The following RORA variants were observed in gnomAD, a reference collection of about 807,000 sequenced individuals.
RORA encodes RAR related orphan receptor A.
Under a neutral mutation model 69.5 loss-of-function variants are expected in RORA, and 7 were observed. The observed-to-expected ratio is 0.10, with a 90% CI of 0.06 to 0.19. The LOEUF is 0.19. Among genes scored for constraint, RORA ranks in the 10% least tolerant of loss-of-function variants. The pLI, the probability that RORA is intolerant of heterozygous loss-of-function variation, is 1.00. For synonymous variants in RORA, 261 were observed against 240.8 expected, an observed-to-expected ratio of 1.08 and a Z score of -0.78; for missense variants, 457 against 663.0, an observed-to-expected ratio of 0.69 and a Z score of 3.41.
chr15:60,679,224 T>G (rs1481516801), intron 1 of RORA, among the ~76,000 whole-genome samples: 2 of 152,122 alleles, frequency 1.3e-5, no homozygotes, highest in Admixed American at 1.3e-4. Context: ...CTCATTAAGG[T>G]CAGAAAGGGA....
At chr15:60,611,559 CAAAAAAAAA>C (rs533598270) in intron 2 of RORA, among the ~76,000 whole-genome samples, 34 of 35,818 alleles carry the variant, frequency 9.5e-4, no homozygotes, top group South Asian at 2.0e-3. Context: ...TTGAGTTTTG[CAAAAAAAAA>C]AAAAAAAAAA....
chr15:61,225,812 GTTAAA>G (rs1195848703), intron 1 of RORA, among the ~76,000 whole-genome samples: 2 of 152,186 alleles, frequency 1.3e-5, no homozygotes, highest in Non-Finnish European at 2.9e-5. Context: ...TGAAAGCCTT[GTTAAA>G]TTAAAGATTC....
At chr15:60,499,833 G>T in intron 10 of RORA, 59 bp downstream of exon 10, 1 of 899,890 alleles carries the variant, frequency 1.1e-6, no homozygotes, top group African/African-American at 1.7e-5. Flanking sequence ...CATATTGGCA[G>T]CATGATTTGT....
intron 3 of RORA, among the ~76,000 whole-genome samples, chr15:60,522,166 T>C (rs1012513210): frequency 2.6e-5 from 4 of 152,200 alleles, no homozygotes; most frequent in Non-Finnish European, 5.9e-5. Flanking sequence ...ATTCCTGACA[T>C]AAAAAATTAA....
chr15:60,623,090 C>T lies in RORA; in HGVS notation c.196+55567G>A, dbSNP rs141769128. On this transcript the variant is annotated intron_variant, in intron 2 of 10. Transcript: ENST00000335670. ...AAACCCTGAGGAATGCCGTGTCTTC[C>T]CTGTGTCTTGCCTCACTTATTCACT... 2.4e-4 allele frequency among the ~76,000 whole-genome samples: 36 copies of T among 152,312 alleles called. No homozygotes were observed. In the South Asian group the frequency reaches 2.7e-3, roughly 11 times the overall value.
rs577133097 is a variant in RORA, at chr15:60,626,040, C to T, written c.196+52617G>A. On this transcript the variant is annotated intron_variant, in intron 2 of 10. Transcript: ENST00000335670. ...TTCTTCCTTCCTCAGCAGGGACAGG[C>T]TTCTCAGCACGCTGCTGCCTCAGGG... Among the ~76,000 whole-genome samples, 39 of 152,352 alleles carry T rather than the reference C, an allele frequency of 2.6e-4. 1 individual carries two copies. In the South Asian group the frequency reaches 7.0e-3, roughly 28 times the overall value.
At chr15:60,622,335 G>T (rs1042017100) in intron 2 of RORA, among the ~76,000 whole-genome samples, 1 of 152,078 alleles carries the variant, frequency 6.6e-6, no homozygotes, top group Non-Finnish European at 1.5e-5. Context: ...GATGCAGGCT[G>T]GGCGTGATGG....
At chr15:60,893,613 T>C (rs1032010705) in intron 1 of RORA, among the ~76,000 whole-genome samples, 1 of 152,070 alleles carries the variant, frequency 6.6e-6, no homozygotes, top group African/African-American at 2.4e-5. Flanking sequence ...TTTTAAAAAA[T>C]TTTAAATTTT....
intron 2 of RORA, among the ~76,000 whole-genome samples, chr15:60,654,868 C>A (rs1242365749): frequency 6.6e-6 from 1 of 152,156 alleles, no homozygotes; most frequent in Non-Finnish European, 1.5e-5. Context: ...AGATATTCCC[C>A]TAGAGCCTCC....
intron 1 of RORA, among the ~76,000 whole-genome samples, chr15:60,918,772 G>T (rs976360803): frequency 6.6e-6 from 1 of 152,132 alleles, no homozygotes; most frequent in African/African-American, 2.4e-5. Flanking sequence ...GACAGGGAGG[G>T]AGCAGAAAGA....
chr15:60,613,863 T>C (rs2069159746), intron 2 of RORA, among the ~76,000 whole-genome samples: 1 of 151,674 alleles, frequency 6.6e-6, no homozygotes. Context: ...TGGGAAGGCC[T>C]TATGGGACAA....
In RORA at chr15:61,129,698, G is replaced by A. The variant is rs558824194; in HGVS notation, c.166+99355C>T. Reference sequence around the variant, plus strand: ...GTTCAGTCAAAGGATCAGAAATTCCGGGCACTCTGCTAACCCTACCAGGGC... The same window carrying A: ...GTTCAGTCAAAGGATCAGAAATTCCAGGCACTCTGCTAACCCTACCAGGGC... On this transcript the variant is annotated intron_variant, in intron 1 of 10. Transcript: ENST00000335670. Among the ~76,000 whole-genome samples, 107 of 152,236 alleles carry A rather than the reference G, an allele frequency of 7.0e-4. No homozygotes were observed. The Middle Eastern group carries it at 0.014, about 19-fold the overall frequency.
intron 1 of RORA, among the ~76,000 whole-genome samples, chr15:61,136,319 C>T (rs1171575332): frequency 1.3e-5 from 2 of 152,138 alleles, no homozygotes; most frequent in Non-Finnish European, 2.9e-5. Flanking sequence ...TTATGTGATG[C>T]TGACAGGCAC....
chr15:61,162,837 C>A (rs1438031751), intron 1 of RORA, among the ~76,000 whole-genome samples: 1 of 152,166 alleles, frequency 6.6e-6, no homozygotes, highest in Admixed American at 6.5e-5. Flanking sequence ...CAGCTTCTTA[C>A]AAGTCTTCAA....
chr15:60,759,421 C>T (rs1192185712), intron 1 of RORA, among the ~76,000 whole-genome samples: 1 of 152,138 alleles, frequency 6.6e-6, no homozygotes, highest in Non-Finnish European at 1.5e-5. Context: ...TTGAGGGGGA[C>T]ATGGGGGCCA....
intron 1 of RORA, among the ~76,000 whole-genome samples, chr15:61,091,503 C>A (rs2078706500): frequency 6.6e-6 from 1 of 152,202 alleles, no homozygotes; most frequent in Middle Eastern, 3.2e-3. Context: ...CACACACACT[C>A]CCACTTCCCA....
chr15:60,874,830 C>T (rs1009292584), intron 1 of RORA, among the ~76,000 whole-genome samples: 3 of 152,156 alleles, frequency 2.0e-5, no homozygotes, highest in Non-Finnish European at 4.4e-5. Flanking sequence ...TCTGCTTTTT[C>T]ACTAACTATA....
At chr15:60,727,339 C>G (rs1312662296) in intron 1 of RORA, among the ~76,000 whole-genome samples, 1 of 152,188 alleles carries the variant, frequency 6.6e-6, no homozygotes, top group Non-Finnish European at 1.5e-5. Context: ...GAATTCCCAA[C>G]ATACCTTCCT....
chr15:60,797,830 C>T (rs967363304), intron 1 of RORA, among the ~76,000 whole-genome samples: 1 of 152,100 alleles, frequency 6.6e-6, no homozygotes, highest in Admixed American at 6.5e-5. Flanking sequence ...CACAAGAGGC[C>T]GGTGAGGCTG....
Sources: gnomAD v4.1 joint callset for allele counts (sites outside exome capture counted in the v4.1 genomes callset) on GRCh38, gnomAD v4.1.1 for gene constraint, MANE v1.5 for transcripts, NCBI Gene and HGNC (gene_info 2026-07-23, HGNC 2026-07-21) for gene names.